The following SLIT3 variants were observed in gnomAD, a reference collection of about 807,000 sequenced individuals.
The protein encoded by SLIT3 is slit guidance ligand 3, also known as slit homolog 3 protein.
Under a neutral mutation model 184.0 loss-of-function variants are expected in SLIT3, and 68 were observed. The ratio of observed to expected loss-of-function variants is 0.37; its 90% confidence interval spans 0.30 to 0.45. The LOEUF (loss-of-function observed/expected upper bound fraction) is 0.45, where lower values mean the gene tolerates loss of function less well. SLIT3 is among the 20% of genes least tolerant of loss of function. The pLI, the probability that SLIT3 is intolerant of heterozygous loss-of-function variation, is 1.00. For missense variants in SLIT3, 1,707 were observed against 2,026.0 expected (o/e 0.84, Z 3.02); for synonymous variants, 831 against 828.6 (o/e 1.00, Z -0.05).
intron 3 of SLIT3, among the ~76,000 whole-genome samples, chr5:169,202,819 A>G (rs1464928343): frequency 7.0e-6 from 1 of 143,354 alleles, no homozygotes; most frequent in East Asian, 2.3e-4. Context: ...CAACACACAC[A>G]TACCAAACAA....
intron 12 of SLIT3, among the ~76,000 whole-genome samples, chr5:168,783,407 A>G (rs1756041320): frequency 6.6e-6 from 1 of 151,866 alleles, no homozygotes; most frequent in Admixed American, 6.6e-5. Context: ...AGGATGGCCA[A>G]AAAGTCCAGA....
chr5:168,987,289 C>G (rs1345640321), intron 4 of SLIT3, among the ~76,000 whole-genome samples: 2 of 152,126 alleles, frequency 1.3e-5, no homozygotes, highest in Non-Finnish European at 2.9e-5. Context: ...TTATGTTCAC[C>G]AAGTTAATCT....
At chr5:168,882,288 G>T (rs1035973389) in intron 5 of SLIT3, among the ~76,000 whole-genome samples, 2 of 152,134 alleles carry the variant, frequency 1.3e-5, no homozygotes, top group African/African-American at 2.4e-5. Flanking sequence ...CTCTCCAAAA[G>T]CATGTTCCGA....
intron 8 of SLIT3, among the ~76,000 whole-genome samples, chr5:168,812,839 G>A (rs941854596): frequency 5.3e-5 from 8 of 151,850 alleles, no homozygotes; most frequent in Non-Finnish European, 7.4e-5. Context: ...ATGGGTGGCT[G>A]GTCATGGCTT....
intron 1 of SLIT3, among the ~76,000 whole-genome samples, chr5:169,270,550 C>G (rs1157288425): frequency 6.6e-6 from 1 of 152,148 alleles, no homozygotes; most frequent in Non-Finnish European, 1.5e-5. Flanking sequence ...CTATGGCTGC[C>G]TTCACGCGAC....
rs1354032885 is a variant in SLIT3 at position 168,746,787 on chromosome 5, G to A, written c.2270+1515C>T. On this transcript the variant is annotated intron_variant, in intron 20 of 35. Transcript: ENST00000519560. ...GTGTGGTGGTGTGTGGTGTGTGAGT[G>A]TGGTGGTGTGGGTGTGGCGGTGTGT... is the stretch of plus-strand genomic sequence containing the variant. Among the ~76,000 whole-genome samples the A allele has an allele frequency of 1.8e-3, 153 of 85,034 alleles. 10 individuals are homozygous for A. Among genetic ancestry groups the A allele is most frequent in the African/African-American group, 6.4e-3 (147 of 22,876 alleles). The allele number at this position is 85,034 out of a possible 152,430, so 55.8% of individuals were successfully genotyped here.
intron 16 of SLIT3, among the ~76,000 whole-genome samples, chr5:168,755,348 G>A (rs1393401809): frequency 6.8e-6 from 1 of 147,724 alleles, no homozygotes; most frequent in Non-Finnish European, 1.5e-5. Flanking sequence ...TATTGTATTT[G>A]CTTAAAGTGA....
intron 13 of SLIT3, among the ~76,000 whole-genome samples, chr5:168,773,728 A>G (rs995254352): frequency 6.6e-6 from 1 of 152,102 alleles, no homozygotes; most frequent in African/African-American, 2.4e-5. Flanking sequence ...GGAAGTGAGG[A>G]TATACTTCCC....
chr5:169,080,644 T>TC (rs1048361094), intron 4 of SLIT3, among the ~76,000 whole-genome samples: 1 of 152,150 alleles, frequency 6.6e-6, no homozygotes, highest in African/African-American at 2.4e-5. Context: ...GCTGTTTTTT[T>TC]TGCAAACCTG....
chr5:169,247,485 T>C (rs958623393), intron 2 of SLIT3, among the ~76,000 whole-genome samples: 1 of 152,160 alleles, frequency 6.6e-6, no homozygotes, highest in African/African-American at 2.4e-5. Flanking sequence ...CCTCTGGGTT[T>C]CTGAGGGAGC....
At chr5:168,881,938 G>A (rs894783884) in intron 5 of SLIT3, among the ~76,000 whole-genome samples, 4 of 152,174 alleles carry the variant, frequency 2.6e-5, no homozygotes, top group African/African-American at 9.7e-5. Context: ...GCAGCAGCAG[G>A]CGGCCTCCTT....
chr5:168,988,775 C>A (rs1337826499), intron 4 of SLIT3, among the ~76,000 whole-genome samples: 1 of 150,074 alleles, frequency 6.7e-6, no homozygotes, highest in East Asian at 1.9e-4. Flanking sequence ...ACTAGGAGAC[C>A]CCCCCCCAGG....
chr5:168,669,679 T>C (rs1761174379), intron 35 of SLIT3, 104 bp downstream of exon 35: 1 of 897,768 alleles, frequency 1.1e-6, no homozygotes, highest in Non-Finnish European at 1.8e-6. Flanking sequence ...ACCAAGGTCA[T>C]GCAGCCTTTA....
intron 4 of SLIT3, among the ~76,000 whole-genome samples, chr5:168,930,280 G>A (rs1223881959): frequency 1.3e-5 from 2 of 152,210 alleles, no homozygotes. Flanking sequence ...ACGCTGTAAG[G>A]AGGGCTATCA....
intron 11 of SLIT3, among the ~76,000 whole-genome samples, 197 bp from the exon 12 acceptor site, chr5:168,786,175 G>A (rs1216643665): frequency 6.6e-6 from 1 of 152,176 alleles, no homozygotes; most frequent in Non-Finnish European, 1.5e-5. Context: ...CAGGTTGTCT[G>A]GGAGGTGAGT....
chr5:168,879,576 G>T (rs573089979), intron 5 of SLIT3, among the ~76,000 whole-genome samples: 254 of 152,288 alleles, frequency 1.7e-3, no homozygotes, highest in Middle Eastern at 6.8e-3. Context: ...ACTCACATGA[G>T]TTTTTCTCTT....
intron 4 of SLIT3, among the ~76,000 whole-genome samples, chr5:168,908,001 G>C (rs1761134231): frequency 7.0e-6 from 1 of 143,082 alleles, no homozygotes; most frequent in Non-Finnish European, 1.5e-5. Context: ...GAGAGAGAGA[G>C]AGAGAGGTGG....
chr5:169,135,875 C>T (rs1310211523), intron 4 of SLIT3, among the ~76,000 whole-genome samples: 1 of 152,192 alleles, frequency 6.6e-6, no homozygotes, highest in African/African-American at 2.4e-5. Flanking sequence ...CCCAAGGAAC[C>T]TGAGAAGAAA....
chr5:168,665,973 CTCTCTTCCTCTT>C lies in SLIT3; in HGVS notation c.*469_*480del, dbSNP rs1456041772. On this transcript the variant is annotated 3_prime_UTR_variant, in exon 36 of 36. Coordinates refer to ENST00000519560, the MANE Select transcript of SLIT3 (RefSeq NM_003062.4). ...CAAGAAACAAAGGTCTTTTCCTTCT[CTCTCTTCCTCTT>C]ATTCCTTTTTCTGATCTCAATGAGC... 1 of 152,274 alleles carries C rather than the reference CTCTCTTCCTCTT, an allele frequency of 6.6e-6. No homozygotes were observed. The highest frequency in any genetic ancestry group is 2.4e-5 in the African/African-American group (1 of 41,440). 9.4% of individuals were successfully genotyped at this position (152,274 alleles called of 1,614,324 possible). A position where few individuals can be genotyped will look rare whatever the true frequency, so the allele number is the denominator to read the frequency against.
Sources: gnomAD v4.1 joint callset for allele counts (sites outside exome capture counted in the v4.1 genomes callset) on GRCh38, gnomAD v4.1.1 for gene constraint, MANE v1.5 for transcripts, NCBI Gene and HGNC (gene_info 2026-07-23, HGNC 2026-07-21) for gene names.